Variants in ANXA4 observed in about 807,000 individuals in gnomAD.
The protein encoded by ANXA4 is 35-beta calcimedin.
In ANXA4, 39 loss-of-function variants were observed where a neutral mutation model predicts 49.8. The ratio of observed to expected loss-of-function variants is 0.78; its 90% confidence interval spans 0.61 to 1.02. The LOEUF is 1.02. Among genes scored for constraint, ANXA4 ranks in the 50% least tolerant of loss-of-function variants. The probability of loss-of-function intolerance (pLI) is 0.00; values close to 1 mark genes in which losing one functional copy is unlikely to be tolerated. For missense variants in ANXA4, 360 were observed against 410.1 expected (o/e 0.88, Z 1.05); for synonymous variants, 134 against 152.5 (o/e 0.88, Z 0.89).
intron 2 of ANXA4, among the ~76,000 whole-genome samples, chr2:69,667,084 AAAAT>A (rs1676966850): frequency 6.6e-6 from 1 of 151,510 alleles, no homozygotes; most frequent in African/African-American, 2.4e-5. Flanking sequence ...GAAATAAAAT[AAAAT>A]AAAATAAAAT....
chr2:69,746,060 G>A (rs1670599174), intron 1 of ANXA4, among the ~76,000 whole-genome samples: 1 of 151,982 alleles, frequency 6.6e-6, no homozygotes, highest in South Asian at 2.1e-4. Flanking sequence ...CACCCAGGCT[G>A]GAGTGCAGTC....
At chr2:69,704,235 A>G (rs77859547) in intron 2 of ANXA4, among the ~76,000 whole-genome samples, 2,165 of 152,266 alleles carry the variant, frequency 0.014, 148 homozygotes, top group Admixed American at 0.1. Context: ...TTTCAGATAA[A>G]TTGATCATAG....
upstream of ANXA4, chr2:69,643,841 G>T (rs1675878240): frequency 8.5e-7 from 1 of 1,181,286 alleles, no homozygotes; most frequent in Non-Finnish European, 1.0e-6. Context: ...CGCGGCGAGG[G>T]ACCGGGGCCT....
intron 1 of ANXA4, among the ~76,000 whole-genome samples, chr2:69,763,662 C>CTTT (rs58726825): frequency 8.1e-5 from 11 of 136,628 alleles, no homozygotes; most frequent in East Asian, 2.1e-4. Context: ...GGACATAATA[C>CTTT]TTTTTTTTTT....
In ANXA4 at chr2:69,774,129, G is replaced by A. The variant is rs569815680; in HGVS notation, c.-46-7391G>A. Among the ~76,000 whole-genome samples, 7 of 151,806 alleles carry A rather than the reference G, an allele frequency of 4.6e-5. 1 individual carries two copies. The South Asian group carries it at 1.5e-3, about 32-fold the overall frequency. On this transcript the variant is annotated intron_variant, in intron 1 of 12. Transcript: ENST00000394295. ...TGAGCCATCTCACCCTGCCCTATGTGTTAATAACCATTTAAAAATTTCCAC... is the reference window on the plus strand; with the variant it reads ...TGAGCCATCTCACCCTGCCCTATGTATTAATAACCATTTAAAAATTTCCAC...
intron 2 of ANXA4, among the ~76,000 whole-genome samples, chr2:69,691,147 G>A (rs942975471): frequency 6.7e-6 from 1 of 148,694 alleles, no homozygotes; most frequent in Non-Finnish European, 1.5e-5. Context: ...TTTTTTAAAC[G>A]GAGCCTCTCT....
chr2:69,811,951 C>G (rs148089320), intron 7 of ANXA4, among the ~76,000 whole-genome samples: 1 of 152,170 alleles, frequency 6.6e-6, no homozygotes, highest in African/African-American at 2.4e-5. Context: ...AGCCTAAAAA[C>G]TAGAGGAAAG....
intron 1 of ANXA4, among the ~76,000 whole-genome samples, chr2:69,780,860 C>G (rs980315428): frequency 4.6e-5 from 7 of 152,086 alleles, no homozygotes; most frequent in African/African-American, 1.7e-4. Flanking sequence ...GAGTCCTAGA[C>G]TACAGTGAAG....
intron 1 of ANXA4, among the ~76,000 whole-genome samples, chr2:69,778,218 G>A (rs537751281): frequency 3.9e-5 from 6 of 152,214 alleles, no homozygotes; most frequent in Admixed American, 2.6e-4. Flanking sequence ...TCATCATCTC[G>A]CCGAAATCAG....
chr2:69,651,817 TGGGG>T lies in ANXA4; in HGVS notation n.482-1172_482-1169del, dbSNP rs1218915002. Among the ~76,000 whole-genome samples the T allele has an allele frequency of 8.2e-3, 104 of 12,616 alleles. 3 individuals are homozygous for T. Among genetic ancestry groups the T allele is most frequent in the African/African-American group, 0.029 (100 of 3,484 alleles). 8.3% of individuals were successfully genotyped at this position (12,616 alleles called of 152,430 possible). On this transcript the variant is annotated intron_variant and non_coding_transcript_variant, in intron 1 of 3. Coordinates refer to the ANXA4 transcript ENST00000418066. The stretch of plus-strand genomic sequence containing the variant: ...GCGCCCGGCTTTTTTTTTTTTTTTT[TGGGG>T]GGGGGGGGCGGGGAGACAGAGTCTC...
At chr2:69,672,243 A>T (rs150747583) in intron 2 of ANXA4, among the ~76,000 whole-genome samples, 1 of 152,036 alleles carries the variant, frequency 6.6e-6, no homozygotes, top group East Asian at 1.9e-4. Flanking sequence ...TTATTTATTT[A>T]TTTATTGAGA....
chr2:69,711,917 G>C (rs1678688743), intron 2 of ANXA4, among the ~76,000 whole-genome samples: 1 of 151,762 alleles, frequency 6.6e-6, no homozygotes, highest in Non-Finnish European at 1.5e-5. Flanking sequence ...GGGGCATGAT[G>C]GGGGGGTCTC....
intron 2 of ANXA4, among the ~76,000 whole-genome samples, chr2:69,715,698 G>T (rs1223500414): frequency 6.6e-6 from 1 of 152,232 alleles, no homozygotes; most frequent in Admixed American, 6.5e-5. Flanking sequence ...TATAAAGCCA[G>T]TAACTGGCTC....
At chr2:69,757,238 TTATATATATATA>T (rs869068494) in intron 1 of ANXA4, among the ~76,000 whole-genome samples, 28 of 59,066 alleles carry the variant, frequency 4.7e-4, no homozygotes, top group South Asian at 4.0e-3. Flanking sequence ...CATTTTTGTT[TTATATATATATA>T]TATATATATA....
chr2:69,696,727 A>C (rs532285177), intron 2 of ANXA4, among the ~76,000 whole-genome samples: 3 of 152,372 alleles, frequency 2.0e-5, no homozygotes, highest in Non-Finnish European at 4.4e-5. Context: ...TTGTGTTAGC[A>C]GGCATGAAAA....
intron 2 of ANXA4, among the ~76,000 whole-genome samples, chr2:69,694,691 T>C (rs187374428): frequency 5.9e-5 from 9 of 152,138 alleles, no homozygotes; most frequent in Non-Finnish European, 1.2e-4. Context: ...AATACATTTC[T>C]ATGGTTTATA....
intron 2 of ANXA4, among the ~76,000 whole-genome samples, chr2:69,695,094 T>C (rs1678117404): frequency 6.6e-6 from 1 of 151,682 alleles, no homozygotes; most frequent in Non-Finnish European, 1.5e-5. Flanking sequence ...CAGAAAGCCA[T>C]GATTGCGCCA....
At chr2:69,675,614 G>A (rs2105349383) in intron 2 of ANXA4, among the ~76,000 whole-genome samples, 1 of 152,192 alleles carries the variant, frequency 6.6e-6, no homozygotes, top group East Asian at 1.9e-4. Flanking sequence ...TGAGTCATAG[G>A]GGCAGAAAGC....
intron 3 of ANXA4, among the ~76,000 whole-genome samples, chr2:69,732,882 G>T (rs1288877451): frequency 6.6e-6 from 1 of 152,242 alleles, no homozygotes; most frequent in Non-Finnish European, 1.5e-5. Flanking sequence ...AGAGGCCCAG[G>T]TTGGATGTGG....
Sources: allele counts gnomAD v4.1 joint callset (sites outside exome capture counted in the v4.1 genomes callset), GRCh38; gene constraint gnomAD v4.1.1; transcripts MANE v1.5; gene names NCBI Gene and HGNC (gene_info 2026-07-23, HGNC 2026-07-21).